The following MAF variants were observed in gnomAD, a reference collection of about 807,000 sequenced individuals.
The protein encoded by MAF is transcription factor Maf.
A neutral mutation model predicts 22.0 loss-of-function variants in MAF; 10 were observed. The ratio of observed to expected loss-of-function variants is 0.45; its 90% CI spans 0.28 to 0.77. The LOEUF (loss-of-function observed/expected upper bound fraction) is 0.77, where lower values mean the gene tolerates loss of function less well. Ranked by LOEUF, MAF falls within the 30% of genes least tolerant of loss-of-function variation. MAF has a pLI of 0.12. For missense variants in MAF, 544 were observed against 548.4 expected (o/e 0.99, Z 0.08); for synonymous variants, 337 against 255.8 (o/e 1.32, Z -3.03).
chr16:79,385,537 G>C, the MAF span, among the ~76,000 whole-genome samples: 2 of 152,188 alleles, frequency 1.3e-5, no homozygotes, highest in African/African-American at 2.4e-5. Flanking sequence ...GTCTACTTAT[G>C]GCTTTGAATA....
At chr16:79,435,952 G>A in the MAF span, among the ~76,000 whole-genome samples, 1 of 152,312 alleles carries the variant, frequency 6.6e-6, no homozygotes, top group East Asian at 1.9e-4. Flanking sequence ...CAAGAAGGGT[G>A]CAGGAAGCCA....
chr16:79,368,311 A>G, the MAF span, among the ~76,000 whole-genome samples: 2 of 152,074 alleles, frequency 1.3e-5, no homozygotes, highest in Non-Finnish European at 2.9e-5. Context: ...ATCATCCATA[A>G]GAGAAGGTAA....
the MAF span, chr16:79,211,845 C>G: frequency 2.5e-6 from 4 of 1,610,696 alleles, no homozygotes; most frequent in South Asian, 1.1e-5. Context: ...TGTGTGTCCC[C>G]TCACGCAAGT....
chr16:79,326,964 G>A, the MAF span, among the ~76,000 whole-genome samples: 2 of 152,272 alleles, frequency 1.3e-5, no homozygotes, highest in African/African-American at 4.8e-5. Flanking sequence ...TCCTGAGGCT[G>A]AGAATACCTT....
Position 79,600,456 on chromosome 16 carries a change from C to A in MAF, c.-554G>T. ...GGAGTTAACACTTCATGCTTCTCGC[C>A]TCCTCTTCTGCTTGGCTCTCTTTAT... On this transcript the variant is annotated 5_prime_UTR_variant, in exon 1 of 2. It adds an upstream start codon to the 5' untranslated region. Transcript: ENST00000326043. 1 of 196,458 alleles carries A rather than the reference C, an allele frequency of 5.1e-6. No individual in the cohort carries two copies. The highest frequency in any genetic ancestry group is 1.2e-5 in the Non-Finnish European group (1 of 85,454). The allele number at this position is 196,458 out of a possible 1,614,324, so 12.2% of individuals were successfully genotyped here.
chr16:79,226,340 G>A, the MAF span, among the ~76,000 whole-genome samples: 3 of 152,076 alleles, frequency 2.0e-5, no homozygotes, highest in Admixed American at 6.5e-5. Flanking sequence ...GAGAACACAC[G>A]GACAAGGGAG....
the MAF span, among the ~76,000 whole-genome samples, chr16:79,241,663 C>T: frequency 1.3e-5 from 2 of 151,928 alleles, no homozygotes; most frequent in Non-Finnish European, 2.9e-5. Flanking sequence ...GCAAGGCAGG[C>T]CAACATTCAA....
the MAF span, among the ~76,000 whole-genome samples, chr16:79,559,791 T>C: frequency 6.6e-6 from 1 of 152,232 alleles, no homozygotes; most frequent in South Asian, 2.1e-4. Context: ...CAATTTATTG[T>C]TTAGCTATCT....
At chr16:79,304,044 A>G in the MAF span, among the ~76,000 whole-genome samples, 1 of 152,246 alleles carries the variant, frequency 6.6e-6, no homozygotes, top group Non-Finnish European at 1.5e-5. Context: ...CATTTCCTCT[A>G]TAAAGAAATA....
At chr16:79,435,471 A>C in the MAF span, among the ~76,000 whole-genome samples, 1 of 152,202 alleles carries the variant, frequency 6.6e-6, no homozygotes, top group Non-Finnish European at 1.5e-5. Context: ...GCTACTATTC[A>C]TTGAGCTTGT....
the MAF span, among the ~76,000 whole-genome samples, chr16:79,288,532 C>T: frequency 3.3e-5 from 5 of 152,108 alleles, no homozygotes; most frequent in Admixed American, 2.0e-4. Flanking sequence ...TCTGCTGAGC[C>T]CTGTGTGAAT....
At chr16:79,292,205 A>G in the MAF span, among the ~76,000 whole-genome samples, 1 of 152,150 alleles carries the variant, frequency 6.6e-6, no homozygotes, top group African/African-American at 2.4e-5. Context: ...ATTTGGAAAT[A>G]GTGTCTTTGC....
chr16:79,231,724 C>G, the MAF span, among the ~76,000 whole-genome samples: 27 of 152,204 alleles, frequency 1.8e-4, no homozygotes, highest in African/African-American at 6.5e-4. Context: ...TCACGGAAGA[C>G]AGTTTTTCTG....
the MAF span, among the ~76,000 whole-genome samples, chr16:79,318,748 G>T: frequency 6.6e-6 from 1 of 152,126 alleles, no homozygotes; most frequent in East Asian, 1.9e-4. Context: ...CAAAGATTGT[G>T]CCATAAAACA....
downstream of MAF, among the ~76,000 whole-genome samples, chr16:79,581,640 A>G (rs1469208906): frequency 6.6e-6 from 1 of 151,996 alleles, no homozygotes; most frequent in East Asian, 1.9e-4. Context: ...ATAGACTGAG[A>G]GGACTAAAAA....
At chr16:79,447,465 C>A in the MAF span, among the ~76,000 whole-genome samples, 1 of 152,124 alleles carries the variant, frequency 6.6e-6, no homozygotes, top group African/African-American at 2.4e-5. Context: ...GAATATTCAA[C>A]CTGCAGCCCA....
the MAF span, among the ~76,000 whole-genome samples, chr16:79,385,727 C>A: frequency 5.3e-5 from 8 of 152,022 alleles, no homozygotes; most frequent in African/African-American, 1.7e-4. Flanking sequence ...ATGGCAAAAC[C>A]CTGTCTCTAC....
the MAF span, among the ~76,000 whole-genome samples, chr16:79,538,985 A>G: frequency 2.6e-5 from 4 of 152,050 alleles, no homozygotes; most frequent in African/African-American, 9.7e-5. Flanking sequence ...CAGACAATTC[A>G]TGGAAGGAGG....
chr16:79,573,482 C>A, the MAF span, among the ~76,000 whole-genome samples: 2 of 152,186 alleles, frequency 1.3e-5, no homozygotes, highest in African/African-American at 4.8e-5. Context: ...CCTTTCTTCC[C>A]CCATATCTTC....
Sources: gnomAD v4.1 joint callset for allele counts (sites outside exome capture counted in the v4.1 genomes callset) on GRCh38, gnomAD v4.1.1 for gene constraint, MANE v1.5 for transcripts, NCBI Gene and HGNC (gene_info 2026-07-23, HGNC 2026-07-21) for gene names.